The following YIPF3 variants were observed in gnomAD, a reference collection of about 807,000 sequenced individuals.
The protein encoded by YIPF3 is protein YIPF3.
A neutral mutation model predicts 40.3 loss-of-function variants in YIPF3; 18 were observed. The observed-to-expected ratio is 0.45, with a 90% CI of 0.31 to 0.66. YIPF3 has a LOEUF of 0.66. YIPF3 is among the 30% of genes least tolerant of loss of function. YIPF3 has a pLI of 0.07. For synonymous variants in YIPF3, 190 were observed against 179.6 expected, an observed-to-expected ratio of 1.06 and a Z score of -0.46; for missense variants, 406 against 452.2, an observed-to-expected ratio of 0.90 and a Z score of 0.93.
rs892741291 is a variant in YIPF3 at position 43,511,880 on chromosome 6, A to G, written c.*287T>C. 13 of 436,292 alleles carry G rather than the reference A, an allele frequency of 3.0e-5. No homozygotes were observed. Among genetic ancestry groups the G allele is most frequent in the African/African-American group, 1.8e-4 (9 of 48,748 alleles). 27.0% of individuals were successfully genotyped at this position (436,292 alleles called of 1,614,324 possible). The stretch of plus-strand genomic sequence containing the variant: ...AATTACCAAGTCTATATTTAGCAAG[A>G]CAATGTGGGAGAGATAAAGAGGAAG... On this transcript the variant is annotated 3_prime_UTR_variant, in exon 9 of 9. Transcript: ENST00000372422.
At chr6:43,516,196 G>A (rs757586885) in intron 1 of YIPF3, 101 bp from the exon 2 acceptor site, 8 of 1,547,876 alleles carry the variant, frequency 5.2e-6, no homozygotes, top group Middle Eastern at 1.7e-4. Context: ...CACTGCTGAG[G>A]ATACGGCTTG....
In YIPF3 at chr6:43,516,075, A is replaced by G; in HGVS notation, c.102T>C (p.Ile34=). The part of the protein sequence containing the change: ...ENIQGGGSAV[I]DMENMDDTSG... ...AGGTATCATCCATGTTCTCCATGTCAATCACAGCTGAGCCTCCGCCCTGTG... is the reference window on the plus strand; with the variant it reads ...AGGTATCATCCATGTTCTCCATGTCGATCACAGCTGAGCCTCCGCCCTGTG... The change falls in exon 2 of 9, where the codon ATT becomes ATC. Residue 34 remains isoleucine, a synonymous_variant. Transcript: ENST00000372422. The G allele has an allele frequency of 6.2e-7, 1 of 1,614,242 alleles. No homozygotes were observed. Among genetic ancestry groups the G allele is most frequent in the Non-Finnish European group, 8.5e-7 (1 of 1,180,040 alleles).
intron 3 of YIPF3, 141 bp from the exon 4 acceptor site, chr6:43,513,774 G>T (rs1289473229): frequency 2.7e-5 from 20 of 739,324 alleles, no homozygotes; most frequent in Non-Finnish European, 3.8e-5. Flanking sequence ...CGGTAGAACA[G>T]GGTAGTAAAG....
At position 43,513,477 on chromosome 6, in the gene YIPF3, C is replaced by G. The variant is rs778914851; in HGVS notation, c.442-26G>C. 48 of 1,613,858 alleles carry G rather than the reference C, an allele frequency of 3.0e-5. 1 individual carries two copies. In the Middle Eastern group the frequency reaches 1.6e-3, roughly 55 times the overall value. On this transcript the variant is annotated intron_variant, in intron 4 of 8. Transcript: ENST00000372422. ...CTGTCAATATACCAATTCATTCAGGCTGGAGGGTACAACAGCTCATCTGTT... is the reference window on the plus strand; with the variant it reads ...CTGTCAATATACCAATTCATTCAGGGTGGAGGGTACAACAGCTCATCTGTT...
chr6:43,516,884 G>A lies in YIPF3; in HGVS notation c.-77C>T, dbSNP rs541999599. The A allele has an allele frequency of 8.6e-5, 127 of 1,485,364 alleles. No homozygotes were observed. In the African/African-American group the frequency reaches 1.6e-3, roughly 19 times the overall value. 92.0% of individuals were successfully genotyped at this position (1,485,364 alleles called of 1,614,324 possible). A position where few individuals can be genotyped will look rare whatever the true frequency, so the allele number is the denominator to read the frequency against. The stretch of plus-strand genomic sequence containing the variant: ...TGGGCAAGATGTGGGCCTCCGGAAG[G>A]TAGACGTCCAGGGTCGAGGAGAGGT... On this transcript the variant is annotated 5_prime_UTR_variant, in exon 1 of 9. Coordinates refer to ENST00000372422, the MANE Select transcript of YIPF3 (RefSeq NM_015388.4).
intron 7 of YIPF3, 74 bp downstream of exon 7, chr6:43,512,687 T>TG: frequency 6.4e-7 from 1 of 1,560,926 alleles, no homozygotes; most frequent in Non-Finnish European, 8.7e-7. Context: ...CTTTGTGAGA[T>TG]GGACAGCTCC....
intron 1 of YIPF3, 117 bp downstream of exon 1, chr6:43,516,610 A>C: frequency 8.0e-7 from 1 of 1,251,296 alleles, no homozygotes; most frequent in East Asian, 2.3e-5. Context: ...ACGAAGACCC[A>C]AAGAAGAGAG....
chr6:43,513,712 C>G, intron 3 of YIPF3, 79 bp from the exon 4 acceptor site: 1 of 1,398,902 alleles, frequency 7.1e-7, no homozygotes. Context: ...GAATTTTATT[C>G]ATCTCTAACT....
intron 3 of YIPF3, among the ~76,000 whole-genome samples, chr6:43,514,813 A>T (rs1195881737): frequency 6.6e-6 from 1 of 152,202 alleles, no homozygotes; most frequent in Non-Finnish European, 1.5e-5. Flanking sequence ...TAGTTCTTGA[A>T]AAGTCACTCA....
In YIPF3 at chr6:43,516,891, T is replaced by G. The variant is rs2127686059; in HGVS notation, c.-84A>C. ...GATGTGGGCCTCCGGAAGGTAGACGTCCAGGGTCGAGGAGAGGTGGGATCG... is the reference window on the plus strand; with the variant it reads ...GATGTGGGCCTCCGGAAGGTAGACGGCCAGGGTCGAGGAGAGGTGGGATCG... On this transcript the variant is annotated 5_prime_UTR_variant, in exon 1 of 9. Coordinates refer to ENST00000372422, the MANE Select transcript of YIPF3 (RefSeq NM_015388.4). The G allele has an allele frequency of 1.4e-6, 2 of 1,462,616 alleles. No homozygotes were observed. Among genetic ancestry groups the G allele is most frequent in the East Asian group, 4.9e-5 (2 of 40,540 alleles). The allele number at this position is 1,462,616 out of a possible 1,614,324, so 90.6% of individuals were successfully genotyped here.
intron 7 of YIPF3, 49 bp from the exon 8 acceptor site, chr6:43,512,612 G>C (rs2231769): frequency 6.4e-7 from 1 of 1,572,800 alleles, no homozygotes; most frequent in Non-Finnish European, 8.6e-7. Context: ...AAAGTGAGGA[G>C]TGGGGACAAG....
chr6:43,514,197 C>T (rs1157467971), intron 3 of YIPF3, among the ~76,000 whole-genome samples: 4 of 152,146 alleles, frequency 2.6e-5, no homozygotes, highest in South Asian at 2.1e-4. Context: ...ACCGAGATCG[C>T]GCCACTGCAC....
At chr6:43,515,353 T>C (rs1447595817) in intron 3 of YIPF3, 1 of 605,982 alleles carries the variant, frequency 1.7e-6, no homozygotes, top group Admixed American at 2.1e-5. Flanking sequence ...GATTGAGGAA[T>C]GTGGAACAGA....
chr6:43,516,269 G>C (rs1792826517), intron 1 of YIPF3, 174 bp from the exon 2 acceptor site: 1 of 1,394,598 alleles, frequency 7.2e-7, no homozygotes, highest in Admixed American at 2.9e-5. Context: ...CTGGTTTCTA[G>C]CTTTGGCTAT....
At chr6:43,516,552 T>C (rs1445818992) in intron 1 of YIPF3, 175 bp downstream of exon 1, 2 of 721,212 alleles carry the variant, frequency 2.8e-6, no homozygotes, top group South Asian at 2.0e-5. Context: ...GCTGGAGTAG[T>C]AGTCTGGCCC....
chr6:43,512,619 C>T (rs902152438), intron 7 of YIPF3, 56 bp from the exon 8 acceptor site: 45 of 1,563,954 alleles, frequency 2.9e-5, no homozygotes, highest in Non-Finnish European at 3.7e-5. Flanking sequence ...GGAGTGGGGA[C>T]AAGACACCCC....
chr6:43,516,004 C>G lies in YIPF3; in HGVS notation c.173G>C (p.Arg58Pro). Residue 58 changes from arginine (R) to proline (P), a missense_variant, in exon 2 of 9, where the codon CGC (arginine) becomes CCC (proline). Physicochemically the swap from Arg to Pro is moderately radical, Grantham distance 103 (BLOSUM62 -2). Coordinates refer to ENST00000372422, the MANE Select transcript of YIPF3 (RefSeq NM_015388.4). ...EDMGELHQRL[R>P]EEEVDADAAD... Reference sequence around the variant, plus strand: ...TGCATCAGCGTCTACTTCTTCCTCGCGCAGGCGCTGATGCAGCTCACCCAT... The same window carrying G: ...TGCATCAGCGTCTACTTCTTCCTCGGGCAGGCGCTGATGCAGCTCACCCAT... 5 of 1,614,256 alleles carry G rather than the reference C, an allele frequency of 3.1e-6. No homozygotes were observed. The highest frequency in any genetic ancestry group is 4.2e-6 in the Non-Finnish European group (5 of 1,180,038).
rs1792710936 is a variant in YIPF3, at chr6:43,513,378, T to C, written c.515A>G (p.Lys172Arg). The C allele has an allele frequency of 1.1e-5, 18 of 1,614,072 alleles. No homozygotes were observed. Among genetic ancestry groups the C allele is most frequent in the Non-Finnish European group, 1.5e-5 (18 of 1,180,034 alleles). The stretch of plus-strand genomic sequence containing the variant: ...GCTTACGATAATAGTGTCAGACGTC[T>C]TCATCCCATGGAGTAGGATAGCAAC... ...TLVAILLHGMKTSDTIIREGT... is the reference protein window; with the variant it reads ...TLVAILLHGMRTSDTIIREGT... Residue 172 changes from lysine (K) to arginine (R), a missense_variant, in exon 5 of 9, where the codon AAG becomes AGG. Physicochemically the swap from Lys to Arg is conservative, Grantham distance 26 (BLOSUM62 2). Transcript: ENST00000372422.
rs1318714311 is a variant in YIPF3 at position 43,513,331 on chromosome 6, C to T, written c.534+28G>A. The T allele has an allele frequency of 3.1e-6, 5 of 1,612,526 alleles. No homozygotes were observed. The South Asian group carries it at 3.3e-5, about 11-fold the overall frequency. On this transcript the variant is annotated intron_variant, in intron 5 of 8. Coordinates refer to ENST00000372422, the MANE Select transcript of YIPF3 (RefSeq NM_015388.4). ...GGCAGCTTTCAACCTAGTGCAGCCA[C>T]CCCCCCAAAGTTGTCTGTCCTGCTT...
Sources: allele counts gnomAD v4.1 joint callset (sites outside exome capture counted in the v4.1 genomes callset), GRCh38; gene constraint gnomAD v4.1.1; transcripts MANE v1.5; gene names NCBI Gene and HGNC (gene_info 2026-07-23, HGNC 2026-07-21).